The following SRPK2 variants were observed in gnomAD, a reference collection of about 807,000 sequenced individuals.
The protein encoded by SRPK2 is SFRS protein kinase 2.
In SRPK2, 21 loss-of-function variants were observed where a neutral mutation model predicts 90.8. The observed-to-expected ratio is 0.23, with a 90% CI of 0.16 to 0.33. The LOEUF is 0.33. Ranked by LOEUF, SRPK2 falls within the 10% of genes least tolerant of loss-of-function variation. The probability of loss-of-function intolerance (pLI) is 1.00; values close to 1 mark genes in which losing one functional copy is unlikely to be tolerated. For synonymous variants in SRPK2, 288 were observed against 311.1 expected (o/e 0.93, Z 0.78); for missense variants, 620 against 869.0 (o/e 0.71, Z 3.60).
At chr7:105,224,594 A>C (rs1341335804) in intron 2 of SRPK2, among the ~76,000 whole-genome samples, 1 of 152,190 alleles carries the variant, frequency 6.6e-6, no homozygotes, top group Admixed American at 6.5e-5. Flanking sequence ...GGGCAACAAG[A>C]GCAAAACTCT....
intron 2 of SRPK2, among the ~76,000 whole-genome samples, chr7:105,351,144 C>G (rs1402185954): frequency 6.6e-6 from 1 of 151,962 alleles, no homozygotes; most frequent in African/African-American, 2.4e-5. Flanking sequence ...AACGGATTAT[C>G]CTGGGAGTGC....
At chr7:105,345,006 G>A (rs1280574243) in intron 2 of SRPK2, among the ~76,000 whole-genome samples, 1 of 151,998 alleles carries the variant, frequency 6.6e-6, no homozygotes, top group Non-Finnish European at 1.5e-5. Context: ...GGTGATGGCA[G>A]CAGCCTGTAA....
At chr7:105,280,330 G>A (rs1034348210) in intron 2 of SRPK2, among the ~76,000 whole-genome samples, 2 of 151,766 alleles carry the variant, frequency 1.3e-5, no homozygotes, top group African/African-American at 4.8e-5. Flanking sequence ...CACAAGAATC[G>A]CTTGAACCTG....
chr7:105,349,283 G>A (rs1204802311), intron 2 of SRPK2, among the ~76,000 whole-genome samples: 3 of 152,072 alleles, frequency 2.0e-5, no homozygotes, highest in Non-Finnish European at 4.4e-5. Context: ...AGCACTTTGG[G>A]AGGCCAAGGT....
intron 1 of SRPK2, among the ~76,000 whole-genome samples, chr7:105,397,837 G>A (rs10253496): frequency 0.19 from 28,740 of 151,870 alleles, 3,479 homozygotes; most frequent in East Asian, 0.58. Flanking sequence ...TAGTAAAGAC[G>A]GGGTTTCACC....
intron 2 of SRPK2, among the ~76,000 whole-genome samples, chr7:105,351,664 T>C (rs1166751560): frequency 6.6e-6 from 1 of 151,122 alleles, no homozygotes; most frequent in Non-Finnish European, 1.5e-5. Context: ...ATTAGCTGGG[T>C]GTGGTGGCCG....
At chr7:105,161,554 A>C (rs970766454) in intron 6 of SRPK2, among the ~76,000 whole-genome samples, 69 of 151,904 alleles carry the variant, frequency 4.5e-4, no homozygotes, top group Non-Finnish European at 9.1e-4. Flanking sequence ...CTGAGCCACT[A>C]CTCAAGCCTA....
At chr7:105,150,808 G>C (rs1239642182) in intron 7 of SRPK2, among the ~76,000 whole-genome samples, 2 of 152,138 alleles carry the variant, frequency 1.3e-5, no homozygotes, top group Non-Finnish European at 2.9e-5. Context: ...TTGAAAAATC[G>C]TTTTCCAACT....
Position 105,368,802 on chromosome 7 carries a change from T to C in SRPK2, c.71+19846A>G, listed in dbSNP as rs183267897. Among the ~76,000 whole-genome samples, 58 of 150,892 alleles carry C rather than the reference T, an allele frequency of 3.8e-4. 1 individual carries two copies. In the East Asian group the frequency reaches 0.011, roughly 29 times the overall value. On this transcript the variant is annotated intron_variant, in intron 2 of 15. Coordinates refer to ENST00000393651, the MANE Select transcript of SRPK2 (RefSeq NM_182692.3). ...CAGGAGGCTGAAGCATGAGAATCGC[T>C]TGAACCCGGGAGGCAGAGGTAGGAG... is the stretch of plus-strand genomic sequence containing the variant.
intron 3 of SRPK2, among the ~76,000 whole-genome samples, chr7:105,184,036 C>T (rs979239989): frequency 1.6e-5 from 2 of 125,830 alleles, no homozygotes; most frequent in African/African-American, 6.2e-5. Context: ...AGTGTAGTGG[C>T]ATGATCCCAG....
chr7:105,221,092 C>T (rs1479379054), intron 2 of SRPK2, among the ~76,000 whole-genome samples: 2 of 152,118 alleles, frequency 1.3e-5, no homozygotes, highest in Non-Finnish European at 2.9e-5. Flanking sequence ...CACCAGTTTT[C>T]GACAAAAATC....
intron 2 of SRPK2, among the ~76,000 whole-genome samples, chr7:105,387,891 G>C (rs891987840): frequency 6.6e-6 from 1 of 152,204 alleles, no homozygotes; most frequent in Non-Finnish European, 1.5e-5. Flanking sequence ...TCGGGTGAGC[G>C]GCCAGGCTGG....
At chr7:105,278,708 G>T (rs567135717) in intron 2 of SRPK2, among the ~76,000 whole-genome samples, 1 of 150,474 alleles carries the variant, frequency 6.6e-6, no homozygotes, top group East Asian at 1.9e-4. Flanking sequence ...AAGAAGAAAG[G>T]AAAGAGGAAA....
chr7:105,290,950 A>G (rs1808898729), intron 2 of SRPK2, among the ~76,000 whole-genome samples: 2 of 146,410 alleles, frequency 1.4e-5, no homozygotes, highest in Admixed American at 6.9e-5. Flanking sequence ...AGGCAGGAGA[A>G]TGGCGTGAAC....
chr7:105,267,898 C>G (rs1271171753), intron 2 of SRPK2, among the ~76,000 whole-genome samples: 1 of 151,912 alleles, frequency 6.6e-6, no homozygotes, highest in Non-Finnish European at 1.5e-5. Flanking sequence ...CAACATATAC[C>G]TTAAGTATAA....
At chr7:105,291,394 C>CA (rs1293347511) in intron 2 of SRPK2, among the ~76,000 whole-genome samples, 1 of 151,964 alleles carries the variant, frequency 6.6e-6, no homozygotes, top group Non-Finnish European at 1.5e-5. Context: ...TCTTTAAAGA[C>CA]AGAGGGAAGG....
chr7:105,379,470 C>A (rs1820689423), intron 2 of SRPK2, among the ~76,000 whole-genome samples: 2 of 152,126 alleles, frequency 1.3e-5, no homozygotes, highest in Admixed American at 1.3e-4. Context: ...ACTGTATATT[C>A]TATATGATTT....
At chr7:105,153,302 C>T (rs1326209672) in intron 7 of SRPK2, among the ~76,000 whole-genome samples, 1 of 152,220 alleles carries the variant, frequency 6.6e-6, no homozygotes, top group Non-Finnish European at 1.5e-5. Flanking sequence ...TCCAAATTAA[C>T]TAGCTACAGG....
chr7:105,160,666 T>C (rs1807480816), intron 6 of SRPK2, 53 bp from the exon 7 acceptor site: 1 of 1,031,920 alleles, frequency 9.7e-7, no homozygotes, highest in Non-Finnish European at 1.5e-6. Flanking sequence ...GTGAGGCAGT[T>C]ATTGAAAGCA....
Sources: gnomAD v4.1 joint callset for allele counts (sites outside exome capture counted in the v4.1 genomes callset) on GRCh38, gnomAD v4.1.1 for gene constraint, MANE v1.5 for transcripts, NCBI Gene and HGNC (gene_info 2026-07-23, HGNC 2026-07-21) for gene names.